The following SEC24A variants were observed in gnomAD, a reference collection of about 807,000 sequenced individuals.
The protein encoded by SEC24A is protein transport protein Sec24A.
A neutral mutation model predicts 129.4 loss-of-function variants in SEC24A; 93 were observed. The ratio of observed to expected loss-of-function variants is 0.72; its 90% CI spans 0.61 to 0.85. SEC24A has a LOEUF of 0.85. SEC24A is among the 40% of genes least tolerant of loss of function. The pLI is 0.00. For synonymous variants in SEC24A, 460 were observed against 467.3 expected (o/e 0.98, Z 0.20); for missense variants, 1,264 against 1,307.4 (o/e 0.97, Z 0.51).
At chr5:134,663,219 G>C (rs970122640) in intron 2 of SEC24A, among the ~76,000 whole-genome samples, 1 of 152,008 alleles carries the variant, frequency 6.6e-6, no homozygotes, top group African/African-American at 2.4e-5. Context: ...GCGTGCCACA[G>C]TGCCTGGCTA....
At chr5:134,684,122 G>A (rs1257444440) in intron 9 of SEC24A, among the ~76,000 whole-genome samples, 1 of 151,814 alleles carries the variant, frequency 6.6e-6, no homozygotes, top group Admixed American at 6.6e-5. Flanking sequence ...GGCCAACATG[G>A]TAAAACCCCG....
chr5:134,700,207 C>T (rs1355440165), intron 15 of SEC24A, among the ~76,000 whole-genome samples: 1 of 151,278 alleles, frequency 6.6e-6, no homozygotes, highest in African/African-American at 2.4e-5. Flanking sequence ...TGGTAATTTT[C>T]TTTCTTCTTC....
intron 18 of SEC24A, among the ~76,000 whole-genome samples, chr5:134,709,133 T>C (rs1752247901): frequency 6.6e-6 from 1 of 151,884 alleles, no homozygotes; most frequent in Non-Finnish European, 1.5e-5. Context: ...GATGGTTGAG[T>C]CCAGGAGGCG....
At chr5:134,648,708 G>A, upstream of SEC24A, 1 of 163,744 alleles carries the variant, frequency 6.1e-6, no homozygotes, top group East Asian at 1.7e-4. Context: ...TCGCCGGCGC[G>A]GCGGCGGCTG....
chr5:134,687,035 C>A, intron 10 of SEC24A, 133 bp downstream of exon 10: 3 of 497,066 alleles, frequency 6.0e-6, no homozygotes, highest in Non-Finnish European at 1.1e-5. Context: ...TTAATTTAGG[C>A]CTCACTTTCT....
In SEC24A at chr5:134,693,802, G is replaced by T; in HGVS notation, c.1855G>T (p.Ala619Ser). The T allele has an allele frequency of 6.2e-7, 1 of 1,614,140 alleles. No homozygotes were observed. ...TLETQSALGP[A>S]LQAAFKLMSP... ...GGAGACCCAGAGTGCCTTGGGTCCT[G>T]CACTGCAGGCTGCCTTTAAGCTGAT... The change falls in exon 13 of 23, where the codon GCA becomes TCA. Residue 619 changes from alanine to serine, a missense_variant. Transcript: ENST00000398844.
intron 9 of SEC24A, among the ~76,000 whole-genome samples, chr5:134,686,421 G>A (rs909895299): frequency 1.3e-5 from 2 of 152,050 alleles, no homozygotes; most frequent in Admixed American, 1.3e-4. Flanking sequence ...ATTTTTAGTA[G>A]AGACGGGGTT....
intron 11 of SEC24A, among the ~76,000 whole-genome samples, chr5:134,689,982 T>TG (rs899289024): frequency 3.2e-4 from 45 of 142,426 alleles, no homozygotes; most frequent in South Asian, 4.6e-4. Flanking sequence ...TACCAGGGGC[T>TG]GGGGGGGGAG....
chr5:134,697,618 T>G (rs1751867846), intron 14 of SEC24A, among the ~76,000 whole-genome samples: 1 of 151,966 alleles, frequency 6.6e-6, no homozygotes, highest in Non-Finnish European at 1.5e-5. Context: ...TAGCCAGACA[T>G]GGTGGCGCAC....
At chr5:134,662,092 A>G (rs988727942) in intron 2 of SEC24A, among the ~76,000 whole-genome samples, 22 of 151,806 alleles carry the variant, frequency 1.4e-4, no homozygotes, top group African/African-American at 5.3e-4. Context: ...CAGCCTCCCA[A>G]AGTGCGAGGA....
chr5:134,691,233 G>C (rs935945303), intron 11 of SEC24A, among the ~76,000 whole-genome samples: 3 of 142,248 alleles, frequency 2.1e-5, no homozygotes, highest in Non-Finnish European at 3.0e-5. Flanking sequence ...GCAGTGGCGC[G>C]ATCTTGGTGG....
intron 13 of SEC24A, among the ~76,000 whole-genome samples, chr5:134,695,671 G>C (rs1751799102): frequency 6.6e-6 from 1 of 152,152 alleles, no homozygotes; most frequent in South Asian, 2.1e-4. Flanking sequence ...TGTAATCCCA[G>C]CTACTCAGGA....
chr5:134,685,832 T>C (rs1438619101), intron 9 of SEC24A, among the ~76,000 whole-genome samples: 1 of 151,882 alleles, frequency 6.6e-6, no homozygotes, highest in African/African-American at 2.4e-5. Context: ...ACTAAAAAAA[T>C]ACAAAAATTA....
chr5:134,665,077 C>T (rs554104127), intron 2 of SEC24A, among the ~76,000 whole-genome samples: 6 of 151,834 alleles, frequency 4.0e-5, no homozygotes, highest in Middle Eastern at 3.4e-3. Context: ...GGATTACAGG[C>T]GTGAGCCACT....
Position 134,697,967 on chromosome 5 carries a change from G to A in SEC24A, c.2176G>A (p.Val726Ile). The change falls in exon 15 of 23, where the codon GTC becomes ATC. Residue 726 changes from valine to isoleucine, a missense_variant. Transcript: ENST00000398844. The stretch of plus-strand genomic sequence containing the variant: ...CTCTTACCATCATCAGCACAACCCA[G>A]TCCAAGTACAGAAATTACAGAAGGA... ...YPSYHHQHNP[V>I]QVQKLQKELQ... 1 of 1,613,898 alleles carries A rather than the reference G, an allele frequency of 6.2e-7. No individual in the cohort carries two copies. The highest frequency in any genetic ancestry group is 2.2e-5 in the East Asian group (1 of 44,876).
chr5:134,688,667 T>TTTTATTTATTTATTTATTTA (rs149900252), intron 11 of SEC24A, among the ~76,000 whole-genome samples: 224 of 151,088 alleles, frequency 1.5e-3, no homozygotes, highest in Middle Eastern at 6.8e-3. Flanking sequence ...AGTCAATTGA[T>TTTTATTTATTTATTTATTTA]TTTATTTATT....
At chr5:134,694,492 A>G (rs1751758028) in intron 13 of SEC24A, among the ~76,000 whole-genome samples, 1 of 151,964 alleles carries the variant, frequency 6.6e-6, no homozygotes, top group Non-Finnish European at 1.5e-5. Flanking sequence ...CTAAAAATAT[A>G]AAAAATTAGC....
intron 11 of SEC24A, among the ~76,000 whole-genome samples, chr5:134,689,884 GAC>G (rs1751580317): frequency 6.6e-6 from 1 of 151,056 alleles, no homozygotes; most frequent in Non-Finnish European, 1.5e-5. Context: ...AAATAAGCAA[GAC>G]ACAAACCGAC....
intron 12 of SEC24A, 134 bp downstream of exon 12, chr5:134,692,791 T>C (rs942671144): frequency 2.2e-5 from 16 of 730,820 alleles, no homozygotes; most frequent in Middle Eastern, 3.4e-4. Flanking sequence ...TTTGCTCTTA[T>C]AATTAGATGA....
Sources: allele counts gnomAD v4.1 joint callset (sites outside exome capture counted in the v4.1 genomes callset), GRCh38; gene constraint gnomAD v4.1.1; transcripts MANE v1.5; gene names NCBI Gene and HGNC (gene_info 2026-07-23, HGNC 2026-07-21).